KAZN: variants seen among roughly 807,000 people sequenced by gnomAD.
KAZN encodes kazrin.
KAZN carries 40 observed loss-of-function variants against 87.4 expected under a neutral mutation model. That is an observed-to-expected ratio of 0.46 (90% CI 0.36 to 0.60). KAZN has a LOEUF of 0.60. Among genes scored for constraint, KAZN ranks in the 20% least tolerant of loss-of-function variants. KAZN has a pLI of 0.00. For missense variants in KAZN, 898 were observed against 1,073.9 expected (o/e 0.84, Z 2.29); for synonymous variants, 466 against 458.3 (o/e 1.02, Z -0.22).
intron 1 of KAZN, among the ~76,000 whole-genome samples, chr1:13,998,291 C>G (rs1374042944): frequency 6.6e-6 from 1 of 152,132 alleles, no homozygotes; most frequent in African/African-American, 2.4e-5. Flanking sequence ...TAAAGACCAA[C>G]GACACTATGA....
In KAZN at chr1:14,222,363, C is replaced by A. The variant is rs142316205; in HGVS notation, c.249+41771C>A. 5.2e-3 allele frequency among the ~76,000 whole-genome samples: 796 copies of A among 152,252 alleles called. 4 individuals carry two copies. Among genetic ancestry groups the A allele is most frequent in the African/African-American group, 0.018 (762 of 41,564 alleles). Reference sequence around the variant, plus strand: ...AAATCAAGAGCCTCTTTCCACTCTCCCCTCTCTTGTATTATAAGACACTTA... The same window carrying A: ...AAATCAAGAGCCTCTTTCCACTCTCACCTCTCTTGTATTATAAGACACTTA... On this transcript the variant is annotated intron_variant, in intron 2 of 16. Transcript: ENST00000636203.
In KAZN at chr1:14,316,789, A is replaced by G. The variant is rs928686238; in HGVS notation, c.249+136197A>G. ...TCACACATGATTTGTTTTTTTGCCCATGGATTATTCAGAAGTATATTGCTT... is the reference window on the plus strand; with the variant it reads ...TCACACATGATTTGTTTTTTTGCCCGTGGATTATTCAGAAGTATATTGCTT... On this transcript the variant is annotated intron_variant, in intron 2 of 16. Transcript: ENST00000636203. Among the ~76,000 whole-genome samples, 3 of 152,012 alleles carry G rather than the reference A, an allele frequency of 2.0e-5. No homozygotes were observed. The South Asian group carries it at 6.2e-4, about 31-fold the overall frequency.
At chr1:14,854,887 C>T (rs746382599) in intron 1 of KAZN, among the ~76,000 whole-genome samples, 34 of 152,212 alleles carry the variant, frequency 2.2e-4, no homozygotes, top group Middle Eastern at 3.4e-3. Context: ...AGTTGCCAGC[C>T]GCTCTGATGT....
At chr1:15,041,370 T>C (rs1672912938) in intron 3 of KAZN, among the ~76,000 whole-genome samples, 1 of 139,464 alleles carries the variant, frequency 7.2e-6, no homozygotes, top group Admixed American at 7.6e-5. Flanking sequence ...GGAGTTTTGC[T>C]CTTATTGCCC....
At chr1:14,660,095 T>C (rs1639053462) in intron 1 of KAZN, among the ~76,000 whole-genome samples, 1 of 152,148 alleles carries the variant, frequency 6.6e-6, no homozygotes, top group Non-Finnish European at 1.5e-5. Flanking sequence ...ATAATCTTGA[T>C]AATGCGATTA....
chr1:14,068,578 G>A (rs139214791), intron 1 of KAZN, among the ~76,000 whole-genome samples: 1 of 152,270 alleles, frequency 6.6e-6, no homozygotes, highest in East Asian at 1.9e-4. Flanking sequence ...CATTGGTGAT[G>A]CTTAAATTGA....
chr1:14,647,470 G>A (rs2148687613), intron 1 of KAZN, among the ~76,000 whole-genome samples: 1 of 152,256 alleles, frequency 6.6e-6, no homozygotes, highest in Non-Finnish European at 1.5e-5. Flanking sequence ...TGTTACAGAA[G>A]GACCAGTAGT....
chr1:14,300,611 A>G (rs914625102), intron 2 of KAZN, among the ~76,000 whole-genome samples: 2 of 152,204 alleles, frequency 1.3e-5, no homozygotes, highest in Admixed American at 1.3e-4. Flanking sequence ...AGGAAAATCA[A>G]TCAAAAGCGT....
intron 2 of KAZN, among the ~76,000 whole-genome samples, chr1:14,505,529 A>G (rs2148435850): frequency 6.6e-6 from 1 of 152,274 alleles, no homozygotes; most frequent in South Asian, 2.1e-4. Flanking sequence ...AAAAGGACAA[A>G]TACTCCATGA....
chr1:14,351,510 G>A (rs1658547774), intron 2 of KAZN, among the ~76,000 whole-genome samples: 1 of 152,204 alleles, frequency 6.6e-6, no homozygotes, highest in Admixed American at 6.5e-5. Flanking sequence ...CGTGAGCTGA[G>A]ATTGCACTAC....
At chr1:14,502,500 G>T (rs372601402) in intron 2 of KAZN, among the ~76,000 whole-genome samples, 1 of 152,070 alleles carries the variant, frequency 6.6e-6, no homozygotes, top group African/African-American at 2.4e-5. Flanking sequence ...GCAGGAGTAG[G>T]GGGTAGAGAA....
At chr1:13,925,432 G>A (rs879383044) in intron 1 of KAZN, among the ~76,000 whole-genome samples, 2 of 152,190 alleles carry the variant, frequency 1.3e-5, no homozygotes, top group Non-Finnish European at 1.5e-5. Context: ...GTTGGAAAAG[G>A]CCTCAATGTG....
chr1:15,050,165 GAATAGAATAGAATAGAATAGA>G (rs1557757096), intron 4 of KAZN, among the ~76,000 whole-genome samples: 79 of 53,784 alleles, frequency 1.5e-3, no homozygotes, highest in Middle Eastern at 0.012. Flanking sequence ...GAATGGAATA[GAATAGAATAGAATAGAATAGA>G]ATAGAATAGA....
At chr1:14,264,112 G>A (rs1651291249) in intron 2 of KAZN, among the ~76,000 whole-genome samples, 1 of 152,234 alleles carries the variant, frequency 6.6e-6, no homozygotes, top group Non-Finnish European at 1.5e-5. Flanking sequence ...TACAGTGTGA[G>A]TCAGCTGGGT....
At chr1:14,819,506 G>A (rs1646672594) in intron 1 of KAZN, among the ~76,000 whole-genome samples, 1 of 151,972 alleles carries the variant, frequency 6.6e-6, no homozygotes, top group African/African-American at 2.4e-5. Context: ...ATAAAAACTG[G>A]TTTTCCCAAA....
chr1:14,234,405 G>T (rs137964339), intron 2 of KAZN, among the ~76,000 whole-genome samples: 3 of 135,164 alleles, frequency 2.2e-5, no homozygotes, highest in African/African-American at 7.9e-5. Context: ...GGCCTGTTAG[G>T]GGATGGGGGG....
chr1:15,046,588 G>A (rs1673567893), intron 4 of KAZN, among the ~76,000 whole-genome samples: 2 of 152,202 alleles, frequency 1.3e-5, no homozygotes, highest in Admixed American at 1.3e-4. Flanking sequence ...AGAAGCATTT[G>A]GCACCGGGCC....
chr1:13,936,965 C>A (rs1375377049), intron 1 of KAZN, among the ~76,000 whole-genome samples: 2 of 151,660 alleles, frequency 1.3e-5, no homozygotes, highest in African/African-American at 4.9e-5. Flanking sequence ...TGATGTTGAG[C>A]ATTTTTATGT....
At chr1:14,905,635 G>A (rs1656436300) in intron 1 of KAZN, among the ~76,000 whole-genome samples, 1 of 152,240 alleles carries the variant, frequency 6.6e-6, no homozygotes, top group South Asian at 2.1e-4. Context: ...CACAAGGTCA[G>A]GAGATCGAGA....
Sources: gnomAD v4.1 joint callset for allele counts (sites outside exome capture counted in the v4.1 genomes callset) on GRCh38, gnomAD v4.1.1 for gene constraint, MANE v1.5 for transcripts, NCBI Gene and HGNC (gene_info 2026-07-23, HGNC 2026-07-21) for gene names.